Variants in VTA1 observed in about 807,000 individuals in gnomAD.
VTA1 encodes vesicle trafficking 1, also known as vacuolar protein sorting-associated protein VTA1 homolog.
VTA1 carries 24 observed loss-of-function variants against 36.9 expected under a neutral mutation model. That is an observed-to-expected ratio of 0.65 (90% CI 0.47 to 0.91). The LOEUF (loss-of-function observed/expected upper bound fraction) is 0.91, where lower values mean the gene tolerates loss of function less well. Ranked by LOEUF, VTA1 falls within the 40% of genes least tolerant of loss-of-function variation. The pLI is 0.00. For missense variants in VTA1, 393 were observed against 377.2 expected (o/e 1.04, Z -0.35); for synonymous variants, 142 against 130.2 (o/e 1.09, Z -0.62).
At chr6:142,158,032 T>TAA (rs1196260627) in intron 1 of VTA1, among the ~76,000 whole-genome samples, 1 of 140,008 alleles carries the variant, frequency 7.1e-6, no homozygotes, top group Admixed American at 7.2e-5. Context: ...AAATAGAAGT[T>TAA]AAAAAAAAAA....
At chr6:142,172,261 G>T (rs947637588) in intron 4 of VTA1, among the ~76,000 whole-genome samples, 1 of 152,086 alleles carries the variant, frequency 6.6e-6, no homozygotes, top group Non-Finnish European at 1.5e-5. Context: ...CACCTGCCTC[G>T]GCCTCCCAAA....
chr6:142,162,282 C>T (rs551130385), intron 1 of VTA1, among the ~76,000 whole-genome samples: 6 of 152,292 alleles, frequency 3.9e-5, no homozygotes, highest in African/African-American at 1.4e-4. Flanking sequence ...CCTTATTTCT[C>T]TACTGTCTAG....
At chr6:142,188,225 CTTTTTTTT>C (rs200348683) in intron 4 of VTA1, among the ~76,000 whole-genome samples, 6 of 78,966 alleles carry the variant, frequency 7.6e-5, no homozygotes, top group Admixed American at 2.6e-4. Context: ...TTCTTTATTT[CTTTTTTTT>C]TTTTTTTTTT....
intron 4 of VTA1, among the ~76,000 whole-genome samples, chr6:142,187,171 G>T (rs9496292): frequency 0.034 from 5,164 of 152,096 alleles, 299 homozygotes; most frequent in African/African-American, 0.12. Flanking sequence ...CCACTATTTT[G>T]CACTCTGTCC....
chr6:142,157,639 A>G (rs1582876193), intron 1 of VTA1, among the ~76,000 whole-genome samples: 1 of 152,262 alleles, frequency 6.6e-6, no homozygotes, highest in South Asian at 2.1e-4. Flanking sequence ...AGGTTTAAGC[A>G]TCTTTGATAA....
intron 5 of VTA1, among the ~76,000 whole-genome samples, chr6:142,194,405 C>T (rs999406566): frequency 6.6e-6 from 1 of 151,904 alleles, no homozygotes; most frequent in African/African-American, 2.4e-5. Context: ...TGTATCTTTC[C>T]ATTTATTTAA....
intron 4 of VTA1, among the ~76,000 whole-genome samples, chr6:142,173,603 T>A (rs1197116255): frequency 2.6e-5 from 4 of 152,190 alleles, no homozygotes. Flanking sequence ...CTGCTAACAA[T>A]GGTGAATCCA....
intron 1 of VTA1, among the ~76,000 whole-genome samples, chr6:142,155,208 G>T (rs1257638213): frequency 6.6e-6 from 1 of 152,076 alleles, no homozygotes; most frequent in Admixed American, 6.6e-5. Flanking sequence ...AAATGAGTAC[G>T]CGTTCAGATC....
chr6:142,217,844 G>A (rs1384351273), intron 7 of VTA1, among the ~76,000 whole-genome samples: 1 of 150,832 alleles, frequency 6.6e-6, no homozygotes, highest in African/African-American at 2.4e-5. Flanking sequence ...TAAATGAAAT[G>A]TTTTTAATGT....
intron 4 of VTA1, among the ~76,000 whole-genome samples, chr6:142,175,626 T>A (rs1199653218): frequency 1.3e-5 from 2 of 152,126 alleles, no homozygotes; most frequent in East Asian, 3.9e-4. Flanking sequence ...TAGTTTCTGC[T>A]TGAAAAGTTG....
At chr6:142,150,871 C>T (rs1314447993) in intron 1 of VTA1, among the ~76,000 whole-genome samples, 1 of 150,272 alleles carries the variant, frequency 6.7e-6, no homozygotes, top group Non-Finnish European at 1.5e-5. Context: ...GAGATCGTGC[C>T]ATTGCACTCC....
chr6:142,216,753 A>G (rs564951128), intron 7 of VTA1, among the ~76,000 whole-genome samples: 1 of 152,330 alleles, frequency 6.6e-6, no homozygotes, highest in East Asian at 1.9e-4. Context: ...TACCTTATTA[A>G]TAAGTGATAT....
chr6:142,221,439 GAGGGTA>G lies in VTA1; in HGVS notation c.*2798_*2803del, dbSNP rs1776107045. On this transcript the variant is annotated 3_prime_UTR_variant, in exon 8 of 8. Transcript: ENST00000367630. The stretch of plus-strand genomic sequence containing the variant: ...CAACAGGTAGACAGAAATCAGGTCA[GAGGGTA>G]AAAGCAGGAGAAAGGCTGGTGAGGG... The G allele has an allele frequency of 6.6e-6, 1 of 152,232 alleles. No homozygotes were observed. The highest frequency in any genetic ancestry group is 2.4e-5 in the African/African-American group (1 of 41,450). The allele number at this position is 152,232 out of a possible 1,614,324, so 9.4% of individuals were successfully genotyped here.
At chr6:142,197,600 C>G (rs1411343756) in intron 5 of VTA1, among the ~76,000 whole-genome samples, 1 of 152,190 alleles carries the variant, frequency 6.6e-6, no homozygotes, top group Admixed American at 6.5e-5. Context: ...TTTCATTCCT[C>G]TGTTTTTATT....
chr6:142,214,755 A>G (rs1775974872), intron 7 of VTA1, among the ~76,000 whole-genome samples: 1 of 152,198 alleles, frequency 6.6e-6, no homozygotes, highest in Non-Finnish European at 1.5e-5. Context: ...GGGGAGTTTA[A>G]TAATGGAGGA....
At position 142,221,366 on chromosome 6, in the gene VTA1, G is replaced by GA. The variant is rs1252707182; in HGVS notation, c.*2727dup. ...CTGAGGTAACATTTGAGCAAAGAAGGAAAAGAGTAACTAGTATGCAGATAC... is the reference window on the plus strand; with the variant it reads ...CTGAGGTAACATTTGAGCAAAGAAGGAAAAAGAGTAACTAGTATGCAGATAC... On this transcript the variant is annotated 3_prime_UTR_variant, in exon 8 of 8. Coordinates refer to ENST00000367630, the MANE Select transcript of VTA1 (RefSeq NM_016485.5). The GA allele has an allele frequency of 6.6e-6, 1 of 152,204 alleles. No individual in the cohort carries two copies. The highest frequency in any genetic ancestry group is 1.5e-5 in the Non-Finnish European group (1 of 68,106). The allele number at this position is 152,204 out of a possible 1,614,324, so 9.4% of individuals were successfully genotyped here.
At chr6:142,192,751 G>A (rs374935314) in intron 5 of VTA1, among the ~76,000 whole-genome samples, 151 of 151,590 alleles carry the variant, frequency 1.0e-3, no homozygotes, top group Non-Finnish European at 2.0e-3. Context: ...ATACAACCTG[G>A]TGTCATAATC....
At chr6:142,213,299 A>T (rs997455041) in intron 7 of VTA1, among the ~76,000 whole-genome samples, 3 of 152,204 alleles carry the variant, frequency 2.0e-5, no homozygotes, top group African/African-American at 7.2e-5. Context: ...TCTCACTTCC[A>T]GGTCATGCCA....
At chr6:142,177,941 T>C (rs909065272) in intron 4 of VTA1, among the ~76,000 whole-genome samples, 2 of 152,190 alleles carry the variant, frequency 1.3e-5, no homozygotes, top group Admixed American at 6.5e-5. Flanking sequence ...TAATGTATTA[T>C]TGCTACTGTA....
Sources: allele counts gnomAD v4.1 joint callset (sites outside exome capture counted in the v4.1 genomes callset), GRCh38; gene constraint gnomAD v4.1.1; transcripts MANE v1.5; gene names NCBI Gene and HGNC (gene_info 2026-07-23, HGNC 2026-07-21).